Variants in EBF2 observed in about 807,000 individuals in gnomAD.
The protein encoded by EBF2 is EBF transcription factor 2.
In EBF2, 21 loss-of-function variants were observed where a neutral mutation model predicts 72.8. The observed-to-expected ratio is 0.29, with a 90% CI of 0.20 to 0.42. The LOEUF (loss-of-function observed/expected upper bound fraction) is 0.42. Among genes scored for constraint, EBF2 ranks in the 10% least tolerant of loss-of-function variants. The probability of loss-of-function intolerance (pLI) is 1.00; values close to 1 mark genes in which losing one functional copy is unlikely to be tolerated. For synonymous variants in EBF2, 299 were observed against 274.2 expected, an observed-to-expected ratio of 1.09 and a Z score of -0.89; for missense variants, 637 against 731.2, an observed-to-expected ratio of 0.87 and a Z score of 1.49.
chr8:25,892,036 C>G (rs951046616), intron 7 of EBF2, among the ~76,000 whole-genome samples: 1 of 152,200 alleles, frequency 6.6e-6, no homozygotes, highest in Admixed American at 6.5e-5. Context: ...CTCATCTCAG[C>G]TACAGTAGAC....
intron 10 of EBF2, among the ~76,000 whole-genome samples, chr8:25,875,011 G>A (rs1358302451): frequency 6.6e-6 from 1 of 151,942 alleles, no homozygotes; most frequent in African/African-American, 2.4e-5. Context: ...CTGCTTCCTT[G>A]TGACCCCCTG....
chr8:25,945,088 G>GCCCCCCC (rs11461828), intron 6 of EBF2, among the ~76,000 whole-genome samples: 259 of 127,444 alleles, frequency 2.0e-3, no homozygotes, highest in African/African-American at 2.6e-3. Flanking sequence ...TTGTTCTGTT[G>GCCCCCCC]CCCCCCCCGC....
intron 5 of EBF2, among the ~76,000 whole-genome samples, chr8:26,037,581 C>A (rs527327600): frequency 6.6e-6 from 1 of 152,320 alleles, no homozygotes; most frequent in Non-Finnish European, 1.5e-5. Flanking sequence ...CTAGCCTGCG[C>A]CTTGTGGCGA....
At chr8:25,951,722 T>A (rs1261520375) in intron 6 of EBF2, among the ~76,000 whole-genome samples, 1 of 152,112 alleles carries the variant, frequency 6.6e-6, no homozygotes, top group Non-Finnish European at 1.5e-5. Flanking sequence ...GTTGAAGATG[T>A]CTTTTGGCTC....
chr8:25,899,560 A>G (rs1802915790), intron 7 of EBF2, among the ~76,000 whole-genome samples: 1 of 152,214 alleles, frequency 6.6e-6, no homozygotes, highest in Admixed American at 6.5e-5. Flanking sequence ...TGTGAGAGAA[A>G]CATTCAACAT....
At chr8:25,853,095 G>A (rs115807006) in intron 14 of EBF2, among the ~76,000 whole-genome samples, 1 of 152,128 alleles carries the variant, frequency 6.6e-6, no homozygotes, top group Non-Finnish European at 1.5e-5. Context: ...TGAAGACTAA[G>A]TTTAGAGTAC....
At chr8:25,926,590 TC>T (rs57426767) in intron 6 of EBF2, among the ~76,000 whole-genome samples, 6,431 of 152,172 alleles carry the variant, frequency 0.042, 519 homozygotes, top group African/African-American at 0.15. Context: ...GTCCATTTAG[TC>T]CAGAAAGTCT....
intron 6 of EBF2, among the ~76,000 whole-genome samples, chr8:26,012,914 A>T (rs1805050040): frequency 6.6e-6 from 1 of 152,232 alleles, no homozygotes; most frequent in Non-Finnish European, 1.5e-5. Context: ...ACTAGGTGTT[A>T]GGCATTATTC....
rs138677265 is a variant in EBF2, at chr8:25,950,854, T to C, written c.552-42299A>G. On this transcript the variant is annotated intron_variant, in intron 6 of 15. Transcript: ENST00000520164. ...CTAATGAGTTAAATCCTCTACAGTT[T>C]TAACACAAATTGATATTAAAAAAAA... Among the ~76,000 whole-genome samples the C allele has an allele frequency of 4.0e-3, 608 of 152,154 alleles. 6 individuals are homozygous for C. The highest frequency in any genetic ancestry group is 0.014 in the African/African-American group (564 of 41,500).
In EBF2 at chr8:25,861,141, C is replaced by G. The variant is rs751927912; in HGVS notation, c.1250G>C (p.Ser417Thr). The change falls in exon 13 of 16, where the codon AGC (serine) becomes ACC (threonine). Residue 417 changes from serine (S) to threonine (T), a missense_variant. Ser to Thr is a moderately conservative substitution (Grantham distance 58). Around this residue, in one of 3 missense-constraint regions of EBF2, gnomAD observed 259 missense variants for 268.1 expected, o/e 0.97. Coordinates refer to ENST00000520164, the MANE Select transcript of EBF2 (RefSeq NM_022659.4). ...CATCATGCCACTGTGCGCTGGGGAGCTAGAGAGGGCTGGAAGCTGGCTGGG... is the reference window on the plus strand; with the variant it reads ...CATCATGCCACTGTGCGCTGGGGAGGTAGAGAGGGCTGGAAGCTGGCTGGG... The part of the protein sequence containing the change: ...RNPSQLPALS[S>T]SPAHSGMMGI... 1 of 1,614,150 alleles carries G rather than the reference C, an allele frequency of 6.2e-7. No homozygotes were observed. The highest frequency in any genetic ancestry group is 8.5e-7 in the Non-Finnish European group (1 of 1,180,022).
intron 6 of EBF2, among the ~76,000 whole-genome samples, chr8:26,017,489 G>A (rs1415074095): frequency 1.3e-5 from 2 of 152,174 alleles, no homozygotes; most frequent in African/African-American, 2.4e-5. Flanking sequence ...GGAGGTCTCT[G>A]GGGTCCCAAA....
intron 6 of EBF2, among the ~76,000 whole-genome samples, chr8:25,948,256 C>T (rs1422067699): frequency 6.6e-6 from 1 of 152,210 alleles, no homozygotes; most frequent in Non-Finnish European, 1.5e-5. Context: ...CATACCTCCA[C>T]CCCAGCGCAA....
rs1805687232 is a variant in EBF2, at chr8:26,045,370, G to A, written c.-511C>T. 6.6e-6 allele frequency: 1 copy of A among 152,322 alleles called. No homozygotes were observed. The highest frequency in any genetic ancestry group is 1.5e-5 in the Non-Finnish European group (1 of 68,162). The allele number at this position is 152,322 out of a possible 1,614,324, so 9.4% of individuals were successfully genotyped here. ...GTGGCTGCGAGCGCCACGGAGCCCG[G>A]CTGCAGCCGCGCGCGGGCCCCATGA... is the stretch of plus-strand genomic sequence containing the variant. On this transcript the variant is annotated 5_prime_UTR_variant, in exon 1 of 16. Coordinates refer to ENST00000520164, the MANE Select transcript of EBF2 (RefSeq NM_022659.4).
intron 6 of EBF2, among the ~76,000 whole-genome samples, chr8:25,969,119 A>G (rs1804155572): frequency 6.6e-6 from 1 of 152,166 alleles, no homozygotes; most frequent in Admixed American, 6.5e-5. Flanking sequence ...TCTCTCCCCC[A>G]TATTGGAGAC....
intron 6 of EBF2, among the ~76,000 whole-genome samples, chr8:25,951,537 C>A (rs1803862052): frequency 6.6e-6 from 1 of 152,184 alleles, no homozygotes; most frequent in South Asian, 2.1e-4. Context: ...TAAATACTTT[C>A]CAAGTCATCC....
intron 11 of EBF2, among the ~76,000 whole-genome samples, chr8:25,862,287 G>A (rs10448076): frequency 0.12 from 17,825 of 152,142 alleles, 1,125 homozygotes; most frequent in Middle Eastern, 0.17. Flanking sequence ...TTATACAGAA[G>A]CATTTTTCTC....
At chr8:25,997,557 A>T (rs4872383) in intron 6 of EBF2, among the ~76,000 whole-genome samples, 1 of 148,878 alleles carries the variant, frequency 6.7e-6, no homozygotes, top group East Asian at 2.0e-4. Context: ...GGGCAACAGA[A>T]CCAGATCCTA....
intron 7 of EBF2, among the ~76,000 whole-genome samples, chr8:25,900,658 T>C (rs1563393989): frequency 6.6e-6 from 1 of 152,130 alleles, no homozygotes; most frequent in Non-Finnish European, 1.5e-5. Flanking sequence ...CAAGGGTCTC[T>C]CATGAAAGTT....
At position 25,853,292 on chromosome 8, in the gene EBF2, C is replaced by T. The variant is rs541974135; in HGVS notation, c.1529-2531G>A. 4.9e-3 allele frequency among the ~76,000 whole-genome samples: 745 copies of T among 151,724 alleles called. 8 individuals are homozygous for T. The highest frequency in any genetic ancestry group is 0.017 in the African/African-American group (685 of 41,422). On this transcript the variant is annotated intron_variant, in intron 14 of 15. Transcript: ENST00000520164. The stretch of plus-strand genomic sequence containing the variant: ...CAGATTAAGAAAAATATTTGTAATA[C>T]TTATTTAGATATGTTCATATCCTCA...
Sources: gnomAD v4.1 joint callset for allele counts (sites outside exome capture counted in the v4.1 genomes callset) on GRCh38, gnomAD v4.1.1 for gene constraint, gnomAD v4.1.1 regional missense constraint, MANE v1.5 for transcripts, NCBI Gene and HGNC (gene_info 2026-07-23, HGNC 2026-07-21) for gene names.